SLC24A2: variants seen among roughly 807,000 people sequenced by gnomAD.
SLC24A2 encodes the protein sodium/potassium/calcium exchanger 2.
A neutral mutation model predicts 62.0 loss-of-function variants in SLC24A2; 36 were observed. That is an observed-to-expected ratio of 0.58 (90% CI 0.44 to 0.77). The LOEUF is 0.77. SLC24A2 is among the 30% of genes least tolerant of loss of function. The probability of loss-of-function intolerance (pLI) is 0.00; values close to 1 mark genes in which losing one functional copy is unlikely to be tolerated. For synonymous variants in SLC24A2, 358 were observed against 294.0 expected (o/e 1.22, Z -2.23); for missense variants, 846 against 817.9 (o/e 1.03, Z -0.42).
chr9:19,923,872 C>T, the SLC24A2 span, among the ~76,000 whole-genome samples: 11 of 152,150 alleles, frequency 7.2e-5, no homozygotes, highest in Non-Finnish European at 1.3e-4. Flanking sequence ...CTCAGCCTCC[C>T]GAGTAGCTGG....
intron 2 of SLC24A2, among the ~76,000 whole-genome samples, chr9:19,716,651 G>C (rs953993031): frequency 6.6e-6 from 1 of 152,140 alleles, no homozygotes; most frequent in African/African-American, 2.4e-5. Context: ...ACCTAGAATA[G>C]CTTTTTGATA....
chr9:20,089,275 C>T, the SLC24A2 span, among the ~76,000 whole-genome samples: 12 of 152,130 alleles, frequency 7.9e-5, no homozygotes, highest in South Asian at 4.1e-4. Context: ...GTCCCGGTCC[C>T]GGTCCCGGTC....
At chr9:19,587,914 G>A (rs886064774) in intron 5 of SLC24A2, among the ~76,000 whole-genome samples, 16 of 152,160 alleles carry the variant, frequency 1.1e-4, no homozygotes, top group Admixed American at 1.0e-3. Flanking sequence ...AAAATAAGAT[G>A]CAATGAAGTT....
At chr9:20,059,443 CA>C in the SLC24A2 span, among the ~76,000 whole-genome samples, 1 of 152,044 alleles carries the variant, frequency 6.6e-6, no homozygotes, top group Non-Finnish European at 1.5e-5. Context: ...TGAAATCTTA[CA>C]AAATATCTTT....
the SLC24A2 span, among the ~76,000 whole-genome samples, chr9:20,155,842 G>T: frequency 6.6e-6 from 1 of 151,638 alleles, no homozygotes; most frequent in Non-Finnish European, 1.5e-5. Flanking sequence ...CACCTATCCT[G>T]AATGACTTCA....
chr9:20,191,885 A>T, the SLC24A2 span, among the ~76,000 whole-genome samples: 2 of 152,162 alleles, frequency 1.3e-5, no homozygotes, highest in Non-Finnish European at 2.9e-5. Flanking sequence ...AGGAGGGTAC[A>T]CACATGTTTA....
chr9:20,033,633 AGTATCTG>A, the SLC24A2 span, among the ~76,000 whole-genome samples: 1 of 152,216 alleles, frequency 6.6e-6, no homozygotes, highest in Non-Finnish European at 1.5e-5. Flanking sequence ...CCCAGACAGC[AGTATCTG>A]ATAATACATT....
At chr9:19,960,203 C>T in the SLC24A2 span, among the ~76,000 whole-genome samples, 1 of 152,156 alleles carries the variant, frequency 6.6e-6, no homozygotes, top group African/African-American at 2.4e-5. Context: ...CACACTCACA[C>T]ATAACCACAC....
chr9:19,728,893 G>A (rs1332858846), intron 2 of SLC24A2, among the ~76,000 whole-genome samples: 1 of 152,100 alleles, frequency 6.6e-6, no homozygotes, highest in Non-Finnish European at 1.5e-5. Context: ...ACACCAAAAG[G>A]AGAAAATTTA....
the SLC24A2 span, among the ~76,000 whole-genome samples, chr9:19,872,731 TGGCAGCTCTGTTG>T: frequency 2.0e-5 from 3 of 152,224 alleles, no homozygotes; most frequent in African/African-American, 7.2e-5. Context: ...TTGTTGTATA[TGGCAGCTCTGTTG>T]GAAACTTCAA....
chr9:19,581,021 G>C (rs1218377823), intron 5 of SLC24A2, among the ~76,000 whole-genome samples: 2 of 152,182 alleles, frequency 1.3e-5, no homozygotes, highest in African/African-American at 4.8e-5. Context: ...AAAGAACTCT[G>C]TAAGTTAGAG....
chr9:19,741,217 T>C (rs1821667038), intron 2 of SLC24A2, among the ~76,000 whole-genome samples: 1 of 152,196 alleles, frequency 6.6e-6, no homozygotes, highest in South Asian at 2.1e-4. Context: ...TCAGGCTTTG[T>C]GACACTTGAG....
chr9:19,872,586 T>C, the SLC24A2 span, among the ~76,000 whole-genome samples: 1 of 152,190 alleles, frequency 6.6e-6, no homozygotes, highest in Non-Finnish European at 1.5e-5. Flanking sequence ...TGTGTTTTTG[T>C]TTGTGATAAC....
rs141012014 is a variant in SLC24A2 at position 19,721,360 on chromosome 9, T to A, written c.930+64577A>T. On this transcript the variant is annotated intron_variant, in intron 2 of 10. Transcript: ENST00000341998. ...ATATTCTAAAATGCTGACCCTCTGTTGATACTGGCTAGAGGAATTTTTGTG... is the reference window on the plus strand; with the variant it reads ...ATATTCTAAAATGCTGACCCTCTGTAGATACTGGCTAGAGGAATTTTTGTG... Among the ~76,000 whole-genome samples the A allele has an allele frequency of 2.6e-3, 392 of 152,298 alleles. 1 individual carries two copies. Among genetic ancestry groups the A allele is most frequent in the African/African-American group, 8.9e-3 (371 of 41,574 alleles).
intron 8 of SLC24A2, among the ~76,000 whole-genome samples, chr9:19,542,148 G>C (rs1402642040): frequency 1.3e-5 from 2 of 152,186 alleles, no homozygotes; most frequent in Non-Finnish European, 2.9e-5. Context: ...AGATGGAAAT[G>C]CAGAAATCAC....
chr9:19,831,532 A>T, the SLC24A2 span, among the ~76,000 whole-genome samples: 3 of 152,254 alleles, frequency 2.0e-5, no homozygotes, highest in Admixed American at 2.0e-4. Flanking sequence ...AATAAATTTG[A>T]AATCAAATCA....
At position 19,507,638 on chromosome 9, in the gene SLC24A2, A is replaced by T. The variant is rs1047186376; in HGVS notation, c.*8515T>A. ...CAGAAGTACATACTTCAGACAGCCTATGTACAAATAAGTAGAGCTTCCTGT... is the reference window on the plus strand; with the variant it reads ...CAGAAGTACATACTTCAGACAGCCTTTGTACAAATAAGTAGAGCTTCCTGT... On this transcript the variant is annotated 3_prime_UTR_variant, in exon 11 of 11. Transcript: ENST00000341998. The T allele has an allele frequency of 5.9e-5, 9 of 152,236 alleles. No homozygotes were observed. The highest frequency in any genetic ancestry group is 2.2e-4 in the African/African-American group (9 of 41,464). 9.4% of individuals were successfully genotyped at this position (152,236 alleles called of 1,614,324 possible). A position where few individuals can be genotyped will look rare whatever the true frequency, so the allele number is the denominator to read the frequency against.
chr9:19,766,836 C>T (rs1187460617), intron 2 of SLC24A2, among the ~76,000 whole-genome samples: 1 of 152,200 alleles, frequency 6.6e-6, no homozygotes, highest in East Asian at 1.9e-4. Context: ...GGGAGATCTG[C>T]TGCTCTCTTC....
At chr9:20,274,964 C>T in the SLC24A2 span, among the ~76,000 whole-genome samples, 9 of 152,092 alleles carry the variant, frequency 5.9e-5, no homozygotes, top group Non-Finnish European at 1.2e-4. Flanking sequence ...ATGACTTTCT[C>T]CCTCAATCCC....
Sources: gnomAD v4.1 joint callset for allele counts (sites outside exome capture counted in the v4.1 genomes callset) on GRCh38, gnomAD v4.1.1 for gene constraint, MANE v1.5 for transcripts, NCBI Gene and HGNC (gene_info 2026-07-23, HGNC 2026-07-21) for gene names.